Variants in RGS9 observed in about 807,000 individuals in gnomAD.
RGS9 encodes regulator of G protein signaling 9.
Under a neutral mutation model 102.0 loss-of-function variants are expected in RGS9, and 78 were observed. The ratio of observed to expected loss-of-function variants is 0.76; its 90% CI spans 0.64 to 0.92. The LOEUF is 0.92. Among genes scored for constraint, RGS9 ranks in the 40% least tolerant of loss-of-function variants. The probability of loss-of-function intolerance (pLI) is 0.00; values close to 1 mark genes in which losing one functional copy is unlikely to be tolerated. For missense variants in RGS9, 833 were observed against 866.1 expected (o/e 0.96, Z 0.48); for synonymous variants, 353 against 318.6 (o/e 1.11, Z -1.15).
At chr17:65,220,452 T>C (rs1198678787) in intron 17 of RGS9, among the ~76,000 whole-genome samples, 1 of 150,750 alleles carries the variant, frequency 6.6e-6, no homozygotes, top group East Asian at 2.0e-4. Flanking sequence ...TAAGGGTCGT[T>C]GCTAACTGAG....
chr17:65,165,140 C>A (rs906600936), intron 7 of RGS9, among the ~76,000 whole-genome samples: 15 of 152,148 alleles, frequency 9.9e-5, no homozygotes, highest in African/African-American at 3.6e-4. Context: ...CTGCTCTGAG[C>A]AGGACTATCC....
chr17:65,211,204 G>A (rs868581240), intron 17 of RGS9, among the ~76,000 whole-genome samples: 2 of 152,154 alleles, frequency 1.3e-5, no homozygotes, highest in African/African-American at 2.4e-5. Context: ...CTGAGGATCC[G>A]CCGAGGGGCT....
chr17:65,227,366 G>A lies in RGS9; in HGVS notation c.1984G>A (p.Ala662Thr), dbSNP rs1206785419. The change falls in exon 19 of 19, where the codon GCC (alanine) becomes ACC (threonine). Residue 662 changes from alanine (A) to threonine (T), a missense_variant. Coordinates refer to ENST00000262406, the MANE Select transcript of RGS9 (RefSeq NM_003835.4). The part of the protein sequence containing the change: ...DAGTGESGDR[A>T]TEKEVICPWE... The stretch of plus-strand genomic sequence containing the variant: ...TGGAACAGGAGAGTCGGGTGACCGG[G>A]CCACAGAAAAGGAGGTCATCTGCCC... The A allele has an allele frequency of 6.2e-6, 10 of 1,614,088 alleles. No individual in the cohort carries two copies. In the Admixed American group the frequency reaches 1.2e-4, roughly 19 times the overall value.
intron 1 of RGS9, among the ~76,000 whole-genome samples, chr17:65,148,711 T>G (rs946909990): frequency 1.1e-4 from 16 of 152,100 alleles, no homozygotes; most frequent in Non-Finnish European, 1.5e-5. Context: ...GCTATTTTTT[T>G]TGTGGGTAGG....
Position 65,226,617 on chromosome 17 carries a change from G to GTT in RGS9, c.1893-646_1893-645dup, listed in dbSNP as rs142345483. Among the ~76,000 whole-genome samples the GTT allele has an allele frequency of 2.2e-3, 307 of 142,202 alleles. 1 individual carries two copies. The highest frequency in any genetic ancestry group is 7.3e-3 in the African/African-American group (282 of 38,448). The allele number at this position is 142,202 out of a possible 152,430, so 93.3% of individuals were successfully genotyped here. A position where few individuals can be genotyped will look rare whatever the true frequency, so the allele number is the denominator to read the frequency against. On this transcript the variant is annotated intron_variant, in intron 18 of 18. Transcript: ENST00000262406. ...AAGGCAGTTTTTTGTTTGTCTGGGT[G>GTT]TTTTTTTTTTTTTGAGATGGAGTTT...
chr17:65,162,130 G>A (rs916635560), intron 6 of RGS9, among the ~76,000 whole-genome samples: 1 of 152,038 alleles, frequency 6.6e-6, no homozygotes, highest in Non-Finnish European at 1.5e-5. Flanking sequence ...GGTGGCTCAC[G>A]CCTATAATCC....
At chr17:65,212,254 T>C (rs1164880836) in intron 17 of RGS9, among the ~76,000 whole-genome samples, 1 of 152,174 alleles carries the variant, frequency 6.6e-6, no homozygotes, top group Non-Finnish European at 1.5e-5. Context: ...TGGCGAAAGA[T>C]GGATGAAATT....
At chr17:65,167,391 G>A (rs1374965135) in intron 7 of RGS9, among the ~76,000 whole-genome samples, 5 of 151,892 alleles carry the variant, frequency 3.3e-5, no homozygotes, top group Non-Finnish European at 5.9e-5. Flanking sequence ...TGGTAGAGAC[G>A]GGGTTTCACC....
At chr17:65,168,105 T>G in intron 7 of RGS9, 95 bp from the exon 8 acceptor site, 1 of 766,468 alleles carries the variant, frequency 1.3e-6, no homozygotes, top group Non-Finnish European at 2.3e-6. Flanking sequence ...CTTGGGCAGG[T>G]TGGGAGAGGG....
intron 2 of RGS9, among the ~76,000 whole-genome samples, chr17:65,157,445 T>C (rs554852098): frequency 1.3e-5 from 2 of 152,044 alleles, no homozygotes; most frequent in Admixed American, 1.3e-4. Context: ...TGGTGGAACT[T>C]GGCTTGCCTT....
At chr17:65,164,207 G>A (rs371202018) in intron 7 of RGS9, among the ~76,000 whole-genome samples, 3 of 152,158 alleles carry the variant, frequency 2.0e-5, no homozygotes, top group African/African-American at 7.2e-5. Context: ...CCACCGTGGG[G>A]CAGCTGGGGC....
chr17:65,147,310 T>C lies in RGS9; in HGVS notation c.58-6112T>C, dbSNP rs150898697. The stretch of plus-strand genomic sequence containing the variant: ...TGGGTCTGCACGCTGGCTGGCTGTG[T>C]GCTCAGAGTGGCCTCAGCTGTGTAC... On this transcript the variant is annotated intron_variant, in intron 1 of 18. Transcript: ENST00000262406. Among the ~76,000 whole-genome samples, 69 of 152,340 alleles carry C rather than the reference T, an allele frequency of 4.5e-4. 1 individual carries two copies. The East Asian group carries it at 0.013, about 29-fold the overall frequency.
intron 1 of RGS9, among the ~76,000 whole-genome samples, chr17:65,140,664 C>T (rs1910122634): frequency 6.6e-6 from 1 of 152,136 alleles, no homozygotes; most frequent in Non-Finnish European, 1.5e-5. Flanking sequence ...CATCTGAGAT[C>T]AGGAGTTTGA....
chr17:65,218,705 T>C (rs1913599602), intron 17 of RGS9, among the ~76,000 whole-genome samples: 1 of 152,234 alleles, frequency 6.6e-6, no homozygotes. Flanking sequence ...TCTTGCTCAC[T>C]CTCTTGCTTC....
chr17:65,170,048 CTTT>C (rs993959757), intron 8 of RGS9, among the ~76,000 whole-genome samples: 2 of 122,124 alleles, frequency 1.6e-5, no homozygotes, highest in Non-Finnish European at 3.4e-5. Flanking sequence ...CTTCTGCATT[CTTT>C]TTTTTTTTTT....
At position 65,169,262 on chromosome 17, in the gene RGS9, G is replaced by C. The variant is rs141546591; in HGVS notation, c.582+981G>C. Reference sequence around the variant, plus strand: ...TTCCACTCTGTAGCGGCATGGGTTTGGATGCTGTGTTGCTGAGGTTAAGGT... The same window carrying C: ...TTCCACTCTGTAGCGGCATGGGTTTCGATGCTGTGTTGCTGAGGTTAAGGT... On this transcript the variant is annotated intron_variant, in intron 8 of 18. Transcript: ENST00000262406. Among the ~76,000 whole-genome samples the C allele has an allele frequency of 1.0e-3, 154 of 152,280 alleles. 1 individual carries two copies. The highest frequency in any genetic ancestry group is 2.0e-3 in the Non-Finnish European group (136 of 68,012).
chr17:65,137,586 T>C lies in RGS9; in HGVS notation c.46T>C (p.Phe16Leu), dbSNP rs1909956829. The C allele has an allele frequency of 6.2e-7, 1 of 1,613,476 alleles. No individual in the cohort carries two copies. ...QGQQYRPRMAFLQKIEALVKD... is the reference protein window; with the variant it reads ...QGQQYRPRMALLQKIEALVKD... Reference sequence around the variant, plus strand: ...CCAGCAGTACAGGCCGAGGATGGCATTTCTCCAAAAGGTAACCCTGGCCCC... The same window carrying C: ...CCAGCAGTACAGGCCGAGGATGGCACTTCTCCAAAAGGTAACCCTGGCCCC... Residue 16 changes from phenylalanine (F) to leucine (L), a missense_variant, in exon 1 of 19, where the codon TTT becomes CTT. Phe to Leu is a conservative substitution (Grantham distance 22, BLOSUM62 0). Transcript: ENST00000262406.
intron 3 of RGS9, among the ~76,000 whole-genome samples, chr17:65,159,101 C>A (rs749235574): frequency 6.6e-6 from 1 of 152,164 alleles, no homozygotes; most frequent in Non-Finnish European, 1.5e-5. Flanking sequence ...TTGTGAAATT[C>A]CTTCTCCTGG....
At chr17:65,226,056 G>C (rs1282575764) in intron 18 of RGS9, among the ~76,000 whole-genome samples, 1 of 152,176 alleles carries the variant, frequency 6.6e-6, no homozygotes, top group Non-Finnish European at 1.5e-5. Flanking sequence ...TTTGCCTGAG[G>C]GGGGGCCCCT....
Sources: allele counts gnomAD v4.1 joint callset (sites outside exome capture counted in the v4.1 genomes callset), GRCh38; gene constraint gnomAD v4.1.1; transcripts MANE v1.5; gene names NCBI Gene and HGNC (gene_info 2026-07-23, HGNC 2026-07-21).